Variants in NSD1 observed in about 807,000 individuals in gnomAD.
The protein encoded by NSD1 is nuclear receptor binding SET domain protein 1.
In NSD1, 26 loss-of-function variants were observed where a neutral mutation model predicts 242.7. The observed-to-expected ratio is 0.11, with a 90% confidence interval of 0.08 to 0.15. NSD1 has a LOEUF of 0.15. NSD1 is among the 10% of genes least tolerant of loss of function. The pLI, the probability that NSD1 is intolerant of heterozygous loss-of-function variation, is 1.00. For missense variants in NSD1, 2,495 were observed against 3,272.8 expected (o/e 0.76, Z 5.80); for synonymous variants, 1,106 against 1,178.1 (o/e 0.94, Z 1.25).
At chr5:177,252,549 T>TTG (rs1756072873) in intron 12 of NSD1, among the ~76,000 whole-genome samples, 4 of 130,980 alleles carry the variant, frequency 3.1e-5, no homozygotes, top group African/African-American at 1.2e-4. Context: ...CTTTTTTTTT[T>TTG]TTTTTTTTTT....
chr5:177,283,378 C>T (rs1759052005), intron 19 of NSD1, among the ~76,000 whole-genome samples: 1 of 152,176 alleles, frequency 6.6e-6, no homozygotes, highest in South Asian at 2.1e-4. Flanking sequence ...TGGGACTCCG[C>T]ATTAGTATTT....
intron 2 of NSD1, among the ~76,000 whole-genome samples, chr5:177,166,843 G>C (rs77084393): frequency 0.13 from 20,028 of 150,806 alleles, 1,878 homozygotes; most frequent in East Asian, 0.51. Flanking sequence ...CTGGGTTCAA[G>C]CAATTCTCTT....
At chr5:177,172,923 CT>C (rs1407698009) in intron 2 of NSD1, among the ~76,000 whole-genome samples, 1 of 137,720 alleles carries the variant, frequency 7.3e-6, no homozygotes, top group African/African-American at 2.8e-5. Flanking sequence ...GATCCTGCCA[CT>C]GTACTCTAGC....
In NSD1 at chr5:177,135,816, AT is replaced by A; in HGVS notation, c.714del (p.Asn238LysfsTer23). On this transcript the variant is annotated frameshift_variant, in exon 2 of 23. Coordinates refer to ENST00000439151, the MANE Select transcript of NSD1 (RefSeq NM_022455.5). LOFTEE classifies it high-confidence loss of function. Reference protein sequence around the residue: ...PLAPQTETQKNKQRNEVDGSN... With the variant: ...PLAPQTETQKXKQRNEVDGSN... The stretch of plus-strand genomic sequence containing the variant: ...GCTCCTCAGACTGAAACACAGAAAA[AT>A]AAGCAAAGAAATGAAGTGGACGGCA... 6.2e-7 allele frequency: 1 copy of A among 1,608,418 alleles called. No homozygotes were observed. Among genetic ancestry groups the A allele is most frequent in the Non-Finnish European group, 8.5e-7 (1 of 1,175,924 alleles).
At chr5:177,165,286 C>T (rs938341408) in intron 2 of NSD1, among the ~76,000 whole-genome samples, 2 of 151,690 alleles carry the variant, frequency 1.3e-5, no homozygotes, top group African/African-American at 4.8e-5. Flanking sequence ...ATTCTTCTGC[C>T]TCAGCCTCTG....
chr5:177,283,608 A>T (rs1028230690), intron 19 of NSD1, among the ~76,000 whole-genome samples, 179 bp from the exon 20 acceptor site: 6 of 152,222 alleles, frequency 3.9e-5, no homozygotes, highest in Admixed American at 3.3e-4. Context: ...CAAATTGCCA[A>T]ATGGTGATGG....
intron 14 of NSD1, chr5:177,265,999 G>T: frequency 9.7e-7 from 1 of 1,036,078 alleles, no homozygotes; most frequent in Non-Finnish European, 1.5e-6. Flanking sequence ...TTTCCTTGAT[G>T]GCCACATCTT....
rs908860638 is a variant in NSD1, at chr5:177,154,996, AT to A, written c.927+18978del. 2.2e-4 allele frequency among the ~76,000 whole-genome samples: 26 copies of A among 120,296 alleles called. 1 individual carries two copies. Among genetic ancestry groups the A allele is most frequent in the African/African-American group, 1.9e-4 (6 of 31,960 alleles). 78.9% of individuals were successfully genotyped at this position (120,296 alleles called of 152,430 possible). ...CAGGCGTGAGGCACCGTGCCCGGCA[AT>A]TTTTTTTTTTTGAGTCAGAGTCTTG... On this transcript the variant is annotated intron_variant, in intron 2 of 22. Coordinates refer to ENST00000439151, the MANE Select transcript of NSD1 (RefSeq NM_022455.5).
At position 177,210,372 on chromosome 5, in the gene NSD1, C is replaced by T. The variant is rs1239263971; in HGVS notation, c.1973C>T (p.Ser658Phe). 2 of 1,614,144 alleles carry T rather than the reference C, an allele frequency of 1.2e-6. No homozygotes were observed. Among genetic ancestry groups the T allele is most frequent in the South Asian group, 1.1e-5 (1 of 91,078 alleles). The change falls in exon 5 of 23, where the codon TCT becomes TTT. Residue 658 changes from serine to phenylalanine, a missense_variant. Ser to Phe is a radical substitution (Grantham distance 155). Transcript: ENST00000439151. The stretch of plus-strand genomic sequence containing the variant: ...GATCCCATAGAACACAGCTCAGAGT[C>T]TGATAACAGTGTCCTTGAAATTCCA... ...DLDPIEHSSE[S>F]DNSVLEIPDA...
upstream of NSD1, chr5:177,133,092 G>C: frequency 6.5e-6 from 1 of 153,168 alleles, no homozygotes; most frequent in South Asian, 2.0e-4. The surrounding 1 kb of genome is among the most constrained non-coding windows in gnomAD (Gnocchi z 6.2). Context: ...CGGGTAGGGG[G>C]TTCGCCTGCG....
intron 2 of NSD1, among the ~76,000 whole-genome samples, chr5:177,148,185 T>G (rs755288722): frequency 6.6e-6 from 1 of 151,808 alleles, no homozygotes; most frequent in African/African-American, 2.4e-5. Flanking sequence ...TTGCGCGATC[T>G]TGGCTCGCTG....
At chr5:177,226,285 T>G (rs1325228037) in intron 5 of NSD1, among the ~76,000 whole-genome samples, 5 of 152,146 alleles carry the variant, frequency 3.3e-5, no homozygotes, top group Non-Finnish European at 2.9e-5. Context: ...TCCACCTGCT[T>G]TAGCCTCCCA....
chr5:177,270,393 G>A (rs1429746866), intron 16 of NSD1, among the ~76,000 whole-genome samples: 1 of 152,198 alleles, frequency 6.6e-6, no homozygotes, highest in African/African-American at 2.4e-5. Context: ...ACCATGTAAT[G>A]GAGAAAGTTT....
intron 5 of NSD1, among the ~76,000 whole-genome samples, chr5:177,231,296 G>A (rs1765036689): frequency 6.6e-6 from 1 of 151,712 alleles, no homozygotes; most frequent in Non-Finnish European, 1.5e-5. Context: ...TGTTCCCCAG[G>A]CTTGTGTTGA....
chr5:177,185,469 G>A (rs1378085282), intron 2 of NSD1, among the ~76,000 whole-genome samples: 1 of 150,884 alleles, frequency 6.6e-6, no homozygotes, highest in Non-Finnish European at 1.5e-5. Context: ...ATGGTGGCAG[G>A]CGCCTGTAAT....
intron 5 of NSD1, chr5:177,220,917 T>C (rs1346748517): frequency 2.4e-6 from 1 of 421,986 alleles, no homozygotes; most frequent in Non-Finnish European, 4.7e-6. Flanking sequence ...CAGGCTGTAG[T>C]GCAGTGGGGC....
intron 2 of NSD1, among the ~76,000 whole-genome samples, chr5:177,156,163 G>A (rs558919456): frequency 1.3e-4 from 19 of 144,650 alleles, no homozygotes; most frequent in Non-Finnish European, 2.4e-4. Context: ...CTCTTCCCTC[G>A]CTCTTTTCAG....
At chr5:177,139,504 T>C (rs888631816) in intron 2 of NSD1, among the ~76,000 whole-genome samples, 3 of 152,054 alleles carry the variant, frequency 2.0e-5, no homozygotes, top group Admixed American at 6.6e-5. Flanking sequence ...CAATACAGCT[T>C]GAGAAAAGTG....
intron 4 of NSD1, among the ~76,000 whole-genome samples, chr5:177,209,333 G>T (rs1036170805): frequency 6.6e-6 from 1 of 151,704 alleles, no homozygotes; most frequent in Non-Finnish European, 1.5e-5. Context: ...TTTGAGACCA[G>T]CCTGGCCAAT....
Sources: allele counts gnomAD v4.1 joint callset (sites outside exome capture counted in the v4.1 genomes callset), GRCh38; gene constraint gnomAD v4.1.1; non-coding constraint Gnocchi (gnomAD v3.1); transcripts MANE v1.5; gene names NCBI Gene and HGNC (gene_info 2026-07-23, HGNC 2026-07-21).